Variants in NAA16 observed in about 807,000 individuals in gnomAD.
The protein encoded by NAA16 is N-alpha-acetyltransferase 16, NatA auxiliary subunit.
Under a neutral mutation model 110.3 loss-of-function variants are expected in NAA16, and 97 were observed. That is an observed-to-expected ratio of 0.88 (90% CI 0.75 to 1.04). The LOEUF is 1.04. Among genes scored for constraint, NAA16 ranks in the 50% least tolerant of loss-of-function variants. The pLI is 0.00. For missense variants in NAA16, 1,017 were observed against 1,005.1 expected, an observed-to-expected ratio of 1.01 and a Z score of -0.16; for synonymous variants, 372 against 330.6, an observed-to-expected ratio of 1.13 and a Z score of -1.36.
chr13:41,351,499 A>G (rs1052847149), intron 9 of NAA16, among the ~76,000 whole-genome samples: 3 of 152,104 alleles, frequency 2.0e-5, no homozygotes, highest in Admixed American at 6.5e-5. Context: ...TAAACCTGTG[A>G]TTTGTCTCTT....
intron 9 of NAA16, among the ~76,000 whole-genome samples, chr13:41,346,869 A>G (rs1260633922): frequency 1.3e-5 from 2 of 152,172 alleles, no homozygotes; most frequent in Non-Finnish European, 2.9e-5. Flanking sequence ...CTAAAAGTCC[A>G]TCTGTGCCAG....
intron 4 of NAA16, 127 bp from the exon 5 acceptor site, chr13:41,322,929 A>G (rs2041983874): frequency 4.5e-6 from 4 of 897,060 alleles, no homozygotes; most frequent in South Asian, 1.5e-5. Flanking sequence ...AAGTACTTCT[A>G]TTTTATTCTG....
Position 41,362,113 on chromosome 13 carries a change from T to G in NAA16, c.1493T>G (p.Leu498Arg). The G allele has an allele frequency of 1.2e-6, 2 of 1,609,170 alleles. No homozygotes were observed. Among genetic ancestry groups the G allele is most frequent in the East Asian group, 2.2e-5 (1 of 44,534 alleles). The change falls in exon 13 of 20, where the codon CTG (leucine) becomes CGG (arginine). Residue 498 changes from leucine to arginine, a missense_variant. Transcript: ENST00000379406. ...GAATGCATTTCAGCTTATCAGCGTC[T>G]GGGGAGATACGGGGATGCCTTGAAA... ...QTECISAYQR[L>R]GRYGDALKKC...
At chr13:41,320,974 C>T in intron 4 of NAA16, 150 bp downstream of exon 4, 1 of 670,778 alleles carries the variant, frequency 1.5e-6, no homozygotes, top group South Asian at 2.3e-5. Flanking sequence ...CCTTCTCAGT[C>T]ATAGTTGTGG....
intron 18 of NAA16, 57 bp from the exon 19 acceptor site, chr13:41,374,685 T>C (rs878866529): frequency 4.3e-5 from 49 of 1,138,198 alleles, no homozygotes; most frequent in South Asian, 2.9e-4. Flanking sequence ...CCAGTTGATA[T>C]CACATAAAAT....
intron 2 of NAA16, 33 bp from the exon 3 acceptor site, chr13:41,318,773 A>C (rs1028979130): frequency 8.1e-7 from 1 of 1,236,596 alleles, no homozygotes; most frequent in Non-Finnish European, 1.1e-6. Context: ...ATTTTGTGTC[A>C]TTTGTAAATA....
At chr13:41,355,371 CTTAAT>C (rs1162493333) in intron 10 of NAA16, among the ~76,000 whole-genome samples, 155 bp downstream of exon 10, 1 of 152,138 alleles carries the variant, frequency 6.6e-6, no homozygotes, top group Non-Finnish European at 1.5e-5. Flanking sequence ...TTCAATCTTA[CTTAAT>C]TTAAATTTTC....
Position 41,369,283 on chromosome 13 carries a change from G to A in NAA16, c.1947G>A (p.Arg649=). The A allele has an allele frequency of 1.3e-6, 2 of 1,555,094 alleles. No individual in the cohort carries two copies. Among genetic ancestry groups the A allele is most frequent in the Non-Finnish European group, 1.7e-6 (2 of 1,161,080 alleles). The stretch of plus-strand genomic sequence containing the variant: ...AACTTATACCTGAAAAATTAGAAAG[G>A]GTGAGATGGGTTTTACTATCTTTGT... ...KEELIPEKLE[R]VENPLEEAVK... is the part of the protein sequence containing the mutation. The change falls in exon 15 of 20, where the codon AGG becomes AGA. Residue 649 remains arginine, a splice_region_variant and synonymous_variant. Coordinates refer to ENST00000379406, the MANE Select transcript of NAA16 (RefSeq NM_024561.5).
intron 8 of NAA16, among the ~76,000 whole-genome samples, chr13:41,332,329 C>T (rs1174485862): frequency 2.0e-5 from 3 of 152,082 alleles, no homozygotes; most frequent in Non-Finnish European, 4.4e-5. Flanking sequence ...ATTTTTAGAG[C>T]TCCATGTATT....
At position 41,325,808 on chromosome 13, in the gene NAA16, T is replaced by C; in HGVS notation, c.648T>C (p.Tyr216=). ...AATCTTTGGAACATATAGAAATGTA[T>C]GAGAAACAAATATGTGATAAACTTT... ...LQESLEHIEM[Y]EKQICDKLLV... Residue 216 remains tyrosine, a synonymous_variant, in exon 6 of 20, where the codon TAT becomes TAC. Coordinates refer to ENST00000379406, the MANE Select transcript of NAA16 (RefSeq NM_024561.5). The C allele has an allele frequency of 6.2e-7, 1 of 1,609,098 alleles. No homozygotes were observed. The highest frequency in any genetic ancestry group is 8.5e-7 in the Non-Finnish European group (1 of 1,177,702).
chr13:41,372,123 ATATG>A, intron 15 of NAA16, 76 bp from the exon 16 acceptor site: 1 of 1,151,722 alleles, frequency 8.7e-7, no homozygotes, highest in Middle Eastern at 2.4e-4. Context: ...TACTTTAGAC[ATATG>A]TTAATATAAA....
chr13:41,326,135 G>T (rs2042087902), intron 6 of NAA16, among the ~76,000 whole-genome samples: 1 of 152,078 alleles, frequency 6.6e-6, no homozygotes, highest in Non-Finnish European at 1.5e-5. Flanking sequence ...CCCTTAAGCA[G>T]TATATTACAC....
At chr13:41,373,940 G>A in intron 18 of NAA16, 160 bp downstream of exon 18, 3 of 1,189,376 alleles carry the variant, frequency 2.5e-6, no homozygotes, top group Non-Finnish European at 3.3e-6. Flanking sequence ...AGGGGAAACA[G>A]GGATGGATTC....
At chr13:41,367,677 T>C (rs2043234204) in intron 14 of NAA16, 25 bp downstream of exon 14, 3 of 1,485,500 alleles carry the variant, frequency 2.0e-6, no homozygotes, top group African/African-American at 2.8e-5. Flanking sequence ...ACTTAAAAGA[T>C]TTTAAAAGGA....
At chr13:41,354,815 A>C (rs1260201356) in intron 9 of NAA16, among the ~76,000 whole-genome samples, 1 of 150,362 alleles carries the variant, frequency 6.7e-6, no homozygotes, top group African/African-American at 2.4e-5. Context: ...GAATCATTTC[A>C]CTTTTTTGCA....
In NAA16 at chr13:41,372,725, G is replaced by A; in HGVS notation, c.2057-7G>A. ...ATGCTATTACTTTTGTATTTTTTCT[G>A]ACACAGGAAAGTTTCTGTTAATGCT... is the stretch of plus-strand genomic sequence containing the variant. On this transcript the variant is annotated splice_region_variant and splice_polypyrimidine_tract_variant and intron_variant, in intron 16 of 19. Coordinates refer to ENST00000379406, the MANE Select transcript of NAA16 (RefSeq NM_024561.5). 1.9e-6 allele frequency: 3 copies of A among 1,583,610 alleles called. No individual in the cohort carries two copies. The South Asian group carries it at 3.5e-5, about 18-fold the overall frequency.
At chr13:41,352,994 G>T (rs147283235) in intron 9 of NAA16, among the ~76,000 whole-genome samples, 2 of 151,816 alleles carry the variant, frequency 1.3e-5, no homozygotes, top group African/African-American at 2.4e-5. Flanking sequence ...GCGGGTGCCT[G>T]TAATCCCAGC....
intron 3 of NAA16, among the ~76,000 whole-genome samples, chr13:41,319,531 T>TG (rs2041893372): frequency 6.6e-6 from 1 of 152,122 alleles, no homozygotes; most frequent in Admixed American, 6.5e-5. Context: ...TTTTGTTTTT[T>TG]GGGGGGAGGG....
chr13:41,342,160 CAG>C (rs1440047660), intron 9 of NAA16, among the ~76,000 whole-genome samples: 3 of 149,312 alleles, frequency 2.0e-5, no homozygotes, highest in African/African-American at 7.4e-5. Flanking sequence ...TTTTTTGAGA[CAG>C]AGTCTTGCTC....
Sources: gnomAD v4.1 joint callset for allele counts (sites outside exome capture counted in the v4.1 genomes callset) on GRCh38, gnomAD v4.1.1 for gene constraint, MANE v1.5 for transcripts, NCBI Gene and HGNC (gene_info 2026-07-23, HGNC 2026-07-21) for gene names.